MBNL1: variants seen among roughly 807,000 people sequenced by gnomAD.
MBNL1 encodes muscleblind like splicing regulator 1, also known as muscleblind-like protein 1.
Under a neutral mutation model 42.2 loss-of-function variants are expected in MBNL1, and 8 were observed. The observed-to-expected ratio is 0.19, with a 90% CI of 0.11 to 0.34. MBNL1 has a LOEUF of 0.34. Among genes scored for constraint, MBNL1 ranks in the 10% least tolerant of loss-of-function variants. The probability of loss-of-function intolerance (pLI) is 1.00; values close to 1 mark genes in which losing one functional copy is unlikely to be tolerated. For missense variants in MBNL1, 309 were observed against 495.3 expected, an observed-to-expected ratio of 0.62 and a Z score of 3.57; for synonymous variants, 169 against 173.9, an observed-to-expected ratio of 0.97 and a Z score of 0.22.
intron 2 of MBNL1, among the ~76,000 whole-genome samples, chr3:152,246,370 T>C (rs897905013): frequency 2.6e-5 from 4 of 152,112 alleles, no homozygotes; most frequent in Admixed American, 2.0e-4. Flanking sequence ...GTTGTTGTTG[T>C]TGTCAATAAT....
Position 152,464,495 on chromosome 3 carries a change from A to T in MBNL1, c.*2129A>T, listed in dbSNP as rs1442420208. On this transcript the variant is annotated 3_prime_UTR_variant, in exon 10 of 10. Transcript: ENST00000324210. ...TCGCAACAATCCTGGCAGACAATTG[A>T]GTAATATTTTGATGATTTATTTTGT... is the stretch of plus-strand genomic sequence containing the variant. 2.0e-5 allele frequency: 3 copies of T among 152,610 alleles called. No homozygotes were observed. In the East Asian group the frequency reaches 5.8e-4, roughly 29 times the overall value. The allele number at this position is 152,610 out of a possible 1,614,324, so 9.5% of individuals were successfully genotyped here. A position where few individuals can be genotyped will look rare whatever the true frequency, so the allele number is the denominator to read the frequency against.
chr3:152,342,043 G>A (rs1257348671), intron 2 of MBNL1, among the ~76,000 whole-genome samples: 1 of 152,158 alleles, frequency 6.6e-6, no homozygotes, highest in Non-Finnish European at 1.5e-5. Flanking sequence ...TTGAGGTGTA[G>A]TTAGCATTAT....
chr3:152,283,348 A>G (rs974793844), intron 1 of MBNL1, among the ~76,000 whole-genome samples: 1 of 152,186 alleles, frequency 6.6e-6, no homozygotes, highest in Non-Finnish European at 1.5e-5. Flanking sequence ...CATCAAGCTT[A>G]CAAAAGTAAA....
chr3:152,377,731 A>C (rs73009968), intron 2 of MBNL1, among the ~76,000 whole-genome samples: 3 of 152,228 alleles, frequency 2.0e-5, no homozygotes, highest in African/African-American at 7.2e-5. Flanking sequence ...ACTGACTTCT[A>C]CAGTGACCTA....
chr3:152,297,012 G>A (rs2058791228), intron 1 of MBNL1, among the ~76,000 whole-genome samples: 1 of 152,192 alleles, frequency 6.6e-6, no homozygotes, highest in Non-Finnish European at 1.5e-5. Context: ...TTACGATATG[G>A]ATGGATAGAG....
At chr3:152,421,111 G>A (rs1335800532) in intron 3 of MBNL1, among the ~76,000 whole-genome samples, 1 of 152,190 alleles carries the variant, frequency 6.6e-6, no homozygotes, top group East Asian at 1.9e-4. Context: ...AAGAAATATG[G>A]GACTGTGTGT....
Position 152,415,107 on chromosome 3 carries a change from C to A in MBNL1, c.341C>A (p.Pro114His), listed in dbSNP as rs909748499. 7 of 1,576,782 alleles carry A rather than the reference C, an allele frequency of 4.4e-6. No homozygotes were observed. Among genetic ancestry groups the A allele is most frequent in the Non-Finnish European group, 6.0e-6 (7 of 1,164,646 alleles). Reference protein sequence around the residue: ...NAMMPGAPLQPVPMFSVAPSL... With the variant: ...NAMMPGAPLQHVPMFSVAPSL... Reference sequence around the variant, plus strand: ...ATGATGCCTGGTGCCCCATTACAACCCGTGGTAAGCATGTTTTCAGTCTTC... The same window carrying A: ...ATGATGCCTGGTGCCCCATTACAACACGTGGTAAGCATGTTTTCAGTCTTC... The change falls in exon 3 of 10, where the codon CCC (proline) becomes CAC (histidine). Residue 114 changes from proline to histidine, a missense_variant. Pro to His is a moderately conservative substitution (Grantham distance 77, BLOSUM62 -2). Coordinates refer to ENST00000324210, the MANE Select transcript of MBNL1 (RefSeq NM_021038.5).
intron 2 of MBNL1, among the ~76,000 whole-genome samples, chr3:152,249,388 A>G (rs1321465931): frequency 7.5e-6 from 1 of 132,650 alleles, no homozygotes; most frequent in Non-Finnish European, 1.7e-5. Context: ...GCATTTTTTC[A>G]TGTGTTTTTT....
In MBNL1 at chr3:152,445,348, G is replaced by T; in HGVS notation, c.616G>T (p.Ala206Ser). 1.9e-6 allele frequency: 3 copies of T among 1,614,046 alleles called. No individual in the cohort carries two copies. The highest frequency in any genetic ancestry group is 2.5e-6 in the Non-Finnish European group (3 of 1,179,950). Residue 206 changes from alanine (A) to serine (S), a missense_variant, in exon 5 of 10, where the codon GCT becomes TCT. By Grantham distance (99) the Ala-to-Ser change is moderately conservative. Coordinates refer to ENST00000324210, the MANE Select transcript of MBNL1 (RefSeq NM_021038.5). Reference sequence around the variant, plus strand: ...AAATGATTGTCGGTTTGCTCATCCTGCTGACAGCACAATGATTGACACCAA... The same window carrying T: ...AAATGATTGTCGGTTTGCTCATCCTTCTGACAGCACAATGATTGACACCAA... ...GENDCRFAHP[A>S]DSTMIDTNDN...
chr3:152,312,093 G>C (rs1229603086), intron 2 of MBNL1, among the ~76,000 whole-genome samples: 1 of 150,876 alleles, frequency 6.6e-6, no homozygotes, highest in East Asian at 1.9e-4. Context: ...TTGGGAGGCT[G>C]AGGCGGGAGA....
chr3:152,244,120 T>C (rs1486050232), intron 1 of MBNL1: 1 of 152,230 alleles, frequency 6.6e-6, no homozygotes, highest in Non-Finnish European at 1.5e-5. Flanking sequence ...TAGGTTTCAA[T>C]AGCTTAACTT....
chr3:152,308,961 T>C (rs921829426), intron 2 of MBNL1, among the ~76,000 whole-genome samples: 2 of 152,216 alleles, frequency 1.3e-5, no homozygotes, highest in South Asian at 2.1e-4. Context: ...TGTCAAACTT[T>C]AGGGAGGCAG....
intron 2 of MBNL1, among the ~76,000 whole-genome samples, chr3:152,392,043 A>C (rs973963270): frequency 1.3e-5 from 2 of 151,978 alleles, no homozygotes; most frequent in East Asian, 1.9e-4. Flanking sequence ...ATGTGTTTCA[A>C]ATACAGAGCT....
At chr3:152,308,388 A>G (rs765784424) in intron 2 of MBNL1, among the ~76,000 whole-genome samples, 3 of 152,148 alleles carry the variant, frequency 2.0e-5, no homozygotes, top group Non-Finnish European at 4.4e-5. Flanking sequence ...GCCTTTCCCA[A>G]AGTCCTGGAA....
At chr3:152,425,575 T>C (rs2098916125) in intron 3 of MBNL1, among the ~76,000 whole-genome samples, 2 of 150,124 alleles carry the variant, frequency 1.3e-5, no homozygotes, top group South Asian at 4.2e-4. Flanking sequence ...GCCACTGCAC[T>C]CCAGCCTGGG....
Position 152,464,084 on chromosome 3 carries a change from AGTTAC to A in MBNL1, c.*1719_*1723del, listed in dbSNP as rs1255352846. On this transcript the variant is annotated 3_prime_UTR_variant, in exon 10 of 10. Coordinates refer to ENST00000324210, the MANE Select transcript of MBNL1 (RefSeq NM_021038.5). ...GGTGACTTCACATGTTATTGTAGTT[AGTTAC>A]ATTATAGAATATTACTTATTTTTCT... The A allele has an allele frequency of 2.0e-5, 3 of 152,574 alleles. No homozygotes were observed. Among genetic ancestry groups the A allele is most frequent in the Non-Finnish European group, 4.4e-5 (3 of 67,990 alleles). The allele number at this position is 152,574 out of a possible 1,614,324, so 9.5% of individuals were successfully genotyped here.
intron 2 of MBNL1, among the ~76,000 whole-genome samples, chr3:152,387,489 A>G (rs2097499217): frequency 6.6e-6 from 1 of 152,164 alleles, no homozygotes; most frequent in African/African-American, 2.4e-5. Flanking sequence ...CCCCTCTTCA[A>G]AAGTCATGAC....
At chr3:152,452,934 G>T (rs1560662380) in intron 6 of MBNL1, among the ~76,000 whole-genome samples, 2 of 150,546 alleles carry the variant, frequency 1.3e-5, no homozygotes, top group East Asian at 3.9e-4. Flanking sequence ...GGTGGTGTAG[G>T]TCTAAGGGCA....
rs771040980 is a variant in MBNL1 at position 152,464,810 on chromosome 3, T to A, written c.*2444T>A. 6.6e-6 allele frequency: 1 copy of A among 152,642 alleles called. No homozygotes were observed. Among genetic ancestry groups the A allele is most frequent in the South Asian group, 2.1e-4 (1 of 4,834 alleles). The allele number at this position is 152,642 out of a possible 1,614,324, so 9.5% of individuals were successfully genotyped here. The stretch of plus-strand genomic sequence containing the variant: ...GAACGTCTAGGGAGAAGGTTGACTT[T>A]TTGCACTTCTGTATATAGTCAAAAG... On this transcript the variant is annotated 3_prime_UTR_variant, in exon 10 of 10. Coordinates refer to ENST00000324210, the MANE Select transcript of MBNL1 (RefSeq NM_021038.5).
Sources: gnomAD v4.1 joint callset for allele counts (sites outside exome capture counted in the v4.1 genomes callset) on GRCh38, gnomAD v4.1.1 for gene constraint, MANE v1.5 for transcripts, NCBI Gene and HGNC (gene_info 2026-07-23, HGNC 2026-07-21) for gene names.